GPATCH2: variants seen among roughly 807,000 people sequenced by gnomAD.
The protein encoded by GPATCH2 is G-patch domain containing 2, also known as G patch domain-containing protein 2.
A neutral mutation model predicts 58.0 loss-of-function variants in GPATCH2; 51 were observed. That is an observed-to-expected ratio of 0.88 (90% CI 0.70 to 1.11). The LOEUF is 1.11. GPATCH2 is among the 50% of genes most tolerant of loss of function. The pLI, the probability that GPATCH2 is intolerant of heterozygous loss-of-function variation, is 0.00. For missense variants in GPATCH2, 625 were observed against 652.2 expected, an observed-to-expected ratio of 0.96 and a Z score of 0.45; for synonymous variants, 222 against 218.5, an observed-to-expected ratio of 1.02 and a Z score of -0.14.
chr1:217,516,307 T>G (rs906153141), intron 5 of GPATCH2, among the ~76,000 whole-genome samples: 1 of 152,122 alleles, frequency 6.6e-6, no homozygotes, highest in African/African-American at 2.4e-5. Flanking sequence ...GCAATAAAAT[T>G]CCTCTTAAAA....
intron 5 of GPATCH2, among the ~76,000 whole-genome samples, chr1:217,596,635 T>C (rs528870076): frequency 6.6e-6 from 1 of 152,290 alleles, no homozygotes; most frequent in African/African-American, 2.4e-5. Context: ...CAAAAGCTGA[T>C]ATGAAAAATA....
At chr1:217,461,362 T>C (rs1295327597) in intron 8 of GPATCH2, among the ~76,000 whole-genome samples, 1 of 152,160 alleles carries the variant, frequency 6.6e-6, no homozygotes, top group East Asian at 1.9e-4. Context: ...AATAATCTCT[T>C]ACTCATGGGA....
chr1:217,563,816 G>A (rs1053871782), intron 5 of GPATCH2, among the ~76,000 whole-genome samples: 4 of 152,032 alleles, frequency 2.6e-5, no homozygotes, highest in African/African-American at 7.2e-5. Context: ...TAGCCAAGGC[G>A]GGTGGATCAC....
intron 5 of GPATCH2, among the ~76,000 whole-genome samples, chr1:217,594,823 T>C (rs969829756): frequency 6.6e-6 from 1 of 152,194 alleles, no homozygotes; most frequent in African/African-American, 2.4e-5. Flanking sequence ...ACCTTTCCCA[T>C]ATATAAAGTG....
intron 7 of GPATCH2, among the ~76,000 whole-genome samples, chr1:217,496,480 T>G (rs1299769149): frequency 6.6e-6 from 1 of 152,212 alleles, no homozygotes; most frequent in East Asian, 1.9e-4. Flanking sequence ...TTTGCATAAT[T>G]GTGCTTCTGT....
At chr1:217,569,439 A>G (rs758301455) in intron 5 of GPATCH2, among the ~76,000 whole-genome samples, 6 of 152,028 alleles carry the variant, frequency 3.9e-5, no homozygotes, top group Non-Finnish European at 7.3e-5. Flanking sequence ...TCACGCCTGT[A>G]ATCACAGCAC....
At chr1:217,544,032 A>T (rs77326086) in intron 5 of GPATCH2, among the ~76,000 whole-genome samples, 7,688 of 152,310 alleles carry the variant, frequency 0.05, 233 homozygotes, top group African/African-American at 0.075. Context: ...TACTTGAGTT[A>T]CTACCTTTAT....
intron 9 of GPATCH2, among the ~76,000 whole-genome samples, chr1:217,446,144 T>C (rs958844252): frequency 3.9e-5 from 6 of 152,160 alleles, no homozygotes; most frequent in African/African-American, 1.4e-4. Flanking sequence ...TTTTAACTCT[T>C]ACTCCCTATT....
intron 5 of GPATCH2, among the ~76,000 whole-genome samples, chr1:217,590,980 T>C (rs1277682388): frequency 6.6e-6 from 1 of 152,162 alleles, no homozygotes; most frequent in Non-Finnish European, 1.5e-5. Context: ...GAAGCACTAG[T>C]GGCAAAGGCC....
intron 8 of GPATCH2, among the ~76,000 whole-genome samples, chr1:217,474,596 G>C (rs1176239485): frequency 6.6e-6 from 1 of 152,212 alleles, no homozygotes; most frequent in African/African-American, 2.4e-5. Flanking sequence ...ACATTCCAAA[G>C]ACTAAAGCCA....
intron 6 of GPATCH2, among the ~76,000 whole-genome samples, chr1:217,502,781 T>A (rs985332763): frequency 3.3e-5 from 5 of 152,152 alleles, no homozygotes; most frequent in African/African-American, 1.2e-4. Context: ...AGGTTTACTA[T>A]CTTGTCTATT....
intron 9 of GPATCH2, among the ~76,000 whole-genome samples, chr1:217,446,184 T>A (rs1659379659): frequency 6.6e-6 from 1 of 152,132 alleles, no homozygotes; most frequent in Non-Finnish European, 1.5e-5. Context: ...CATCTGCATT[T>A]TTCTTGTTTA....
At chr1:217,568,375 A>T (rs1666362816) in intron 5 of GPATCH2, among the ~76,000 whole-genome samples, 1 of 152,194 alleles carries the variant, frequency 6.6e-6, no homozygotes, top group African/African-American at 2.4e-5. Flanking sequence ...ATGGGCACAG[A>T]GCTATAAACA....
intron 5 of GPATCH2, among the ~76,000 whole-genome samples, chr1:217,590,468 G>T (rs774000776): frequency 3.9e-5 from 6 of 152,136 alleles, no homozygotes; most frequent in Non-Finnish European, 7.3e-5. Context: ...CCTTAAGGTT[G>T]CATTAAGTAC....
intron 5 of GPATCH2, among the ~76,000 whole-genome samples, chr1:217,557,890 CAG>C (rs1318375254): frequency 6.6e-6 from 1 of 152,136 alleles, no homozygotes; most frequent in Non-Finnish European, 1.5e-5. Context: ...GTAAAATAAG[CAG>C]AAGTAAACTT....
At chr1:217,630,832 C>T in intron 1 of GPATCH2, 84 bp downstream of exon 1, 1 of 971,500 alleles carries the variant, frequency 1.0e-6, no homozygotes. Flanking sequence ...AGCTCCCTCC[C>T]GCCTCCATTC....
intron 5 of GPATCH2, among the ~76,000 whole-genome samples, chr1:217,519,953 C>A (rs542758302): frequency 2.0e-5 from 3 of 152,206 alleles, no homozygotes; most frequent in African/African-American, 7.2e-5. Context: ...TTATAGAACT[C>A]CTCTAATTCC....
chr1:217,455,329 G>T (rs1402894231), intron 8 of GPATCH2, among the ~76,000 whole-genome samples: 2 of 152,100 alleles, frequency 1.3e-5, no homozygotes, highest in Non-Finnish European at 2.9e-5. Context: ...AATGCTGCCT[G>T]CCTACCCTTC....
At chr1:217,568,591 GAAC>G (rs1311006137) in intron 5 of GPATCH2, among the ~76,000 whole-genome samples, 1 of 152,200 alleles carries the variant, frequency 6.6e-6, no homozygotes, top group East Asian at 1.9e-4. Context: ...GCACGCAATG[GAAC>G]AACATTACAG....
Sources: gnomAD v4.1 joint callset for allele counts (sites outside exome capture counted in the v4.1 genomes callset) on GRCh38, gnomAD v4.1.1 for gene constraint, MANE v1.5 for transcripts, NCBI Gene and HGNC (gene_info 2026-07-23, HGNC 2026-07-21) for gene names.